Variants in RBFOX1 observed in about 807,000 individuals in gnomAD.
RBFOX1 encodes the protein RNA binding fox-1 homolog 1, also known as RNA binding protein fox-1 homolog 1.
A neutral mutation model predicts 57.7 loss-of-function variants in RBFOX1; 8 were observed. That is an observed-to-expected ratio of 0.14 (90% confidence interval 0.08 to 0.25). The LOEUF is 0.25. Ranked by LOEUF, RBFOX1 falls within the 10% of genes least tolerant of loss-of-function variation. The pLI is 1.00. For missense variants in RBFOX1, 611 were observed against 548.5 expected, an observed-to-expected ratio of 1.11 and a Z score of -1.14; for synonymous variants, 326 against 222.4, an observed-to-expected ratio of 1.47 and a Z score of -4.15.
intron 5 of RBFOX1, among the ~76,000 whole-genome samples, chr16:7,572,615 G>A (rs948338922): frequency 6.6e-5 from 10 of 152,218 alleles, no homozygotes; most frequent in African/African-American, 1.9e-4. Context: ...TGAGGCGGGC[G>A]GATCACGAGG....
At chr16:6,314,403 A>C (rs770088678) in intron 1 of RBFOX1, among the ~76,000 whole-genome samples, 3 of 152,204 alleles carry the variant, frequency 2.0e-5, no homozygotes, top group African/African-American at 7.2e-5. Flanking sequence ...GCCAATGGCC[A>C]TAGGGACCTC....
Position 6,965,788 on chromosome 16 carries a change from A to C in RBFOX1, c.-15-86269A>C, listed in dbSNP as rs547097306. On this transcript the variant is annotated intron_variant, in intron 3 of 15. Transcript: ENST00000550418. ...CTTTCTCCATAGCAAGTACTCACTT[A>C]GGTCCTGTTCATTAGTCAGTCTTTT... Among the ~76,000 whole-genome samples, 15 of 152,326 alleles carry C rather than the reference A, an allele frequency of 9.8e-5. No individual in the cohort carries two copies. The East Asian group carries it at 2.7e-3, about 27-fold the overall frequency.
intron 1 of RBFOX1, among the ~76,000 whole-genome samples, chr16:5,433,579 A>C (rs2067819286): frequency 6.6e-6 from 1 of 152,238 alleles, no homozygotes; most frequent in South Asian, 2.1e-4. Context: ...GAGGGACACA[A>C]AGAGATTTTA....
In RBFOX1 at chr16:5,854,627, C is replaced by T. The variant is rs145315474; in HGVS notation, c.319-12676C>T. ...ACACACATGCACACCACATTTTCTT[C>T]GTTCATCTGTTAGTGGAGACCTAGG... On this transcript the variant is annotated intron_variant, in intron 3 of 19. Coordinates refer to the RBFOX1 transcript ENST00000641259. Among the ~76,000 whole-genome samples, 4 of 151,826 alleles carry T rather than the reference C, an allele frequency of 2.6e-5. No homozygotes were observed. In the East Asian group the frequency reaches 7.8e-4, roughly 30 times the overall value.
chr16:5,734,690 T>G (rs377172303), intron 3 of RBFOX1, among the ~76,000 whole-genome samples: 9 of 152,230 alleles, frequency 5.9e-5, no homozygotes, highest in African/African-American at 2.2e-4. Flanking sequence ...ACATTGCTAT[T>G]GGGCAGCAGC....
intron 2 of RBFOX1, among the ~76,000 whole-genome samples, chr16:5,546,999 T>A (rs1601582): frequency 0.73 from 111,325 of 152,024 alleles, 41,255 homozygotes; most frequent in East Asian, 0.99. Flanking sequence ...ACATGAAAAC[T>A]TGTTCAACAT....
chr16:7,250,287 A>C (rs1160275457), intron 4 of RBFOX1, among the ~76,000 whole-genome samples: 1 of 152,246 alleles, frequency 6.6e-6, no homozygotes, highest in Non-Finnish European at 1.5e-5. Flanking sequence ...GAGTAAAACA[A>C]ATGCTTTTTT....
Position 7,305,856 on chromosome 16 carries a change from C to A in RBFOX1, c.28-212291C>A, listed in dbSNP as rs2096170061. Among the ~76,000 whole-genome samples the A allele has an allele frequency of 2.0e-5, 3 of 151,968 alleles. No individual in the cohort carries two copies. The South Asian group carries it at 6.2e-4, about 32-fold the overall frequency. On this transcript the variant is annotated intron_variant, in intron 4 of 15. Coordinates refer to ENST00000550418, the MANE Select transcript of RBFOX1 (RefSeq NM_018723.4). ...AGTAAATCGTGCCAGAAGACATTTC[C>A]CAAGAGAGTATTGATAACATATTAT...
chr16:7,693,415 C>G, intron 14 of RBFOX1: 1 of 973,508 alleles, frequency 1.0e-6, no homozygotes, highest in Non-Finnish European at 1.4e-6. Flanking sequence ...GTCTCAGTAT[C>G]CTTTTTTTTT....
chr16:6,692,948 A>T (rs771416450), intron 3 of RBFOX1, among the ~76,000 whole-genome samples: 2 of 150,148 alleles, frequency 1.3e-5, no homozygotes, highest in East Asian at 4.0e-4. Context: ...TATCAACATC[A>T]TCCCCATCCA....
intron 2 of RBFOX1, among the ~76,000 whole-genome samples, chr16:6,618,963 G>C (rs1406643465): frequency 6.6e-6 from 1 of 152,166 alleles, no homozygotes; most frequent in Non-Finnish European, 1.5e-5. Flanking sequence ...GAATGCAAAA[G>C]GGTTATTTAT....
At chr16:5,464,998 G>A (rs887851550) in intron 1 of RBFOX1, among the ~76,000 whole-genome samples, 2 of 152,170 alleles carry the variant, frequency 1.3e-5, no homozygotes, top group African/African-American at 4.8e-5. Context: ...ACTGGGAGGA[G>A]AGGACCTTGA....
intron 3 of RBFOX1, among the ~76,000 whole-genome samples, chr16:7,031,829 C>T (rs1157335044): frequency 6.6e-6 from 1 of 152,146 alleles, no homozygotes. Flanking sequence ...TGTAAGCCAA[C>T]GTGGTCCTTG....
At chr16:7,059,382 T>C (rs891774347) in intron 4 of RBFOX1, among the ~76,000 whole-genome samples, 10 of 152,202 alleles carry the variant, frequency 6.6e-5, no homozygotes, top group Non-Finnish European at 1.5e-4. Context: ...TCTGTTCAGT[T>C]ATTTATTCAA....
At chr16:7,573,935 G>T (rs946377409) in intron 5 of RBFOX1, among the ~76,000 whole-genome samples, 1 of 151,984 alleles carries the variant, frequency 6.6e-6, no homozygotes, top group South Asian at 2.1e-4. Context: ...TATGAATTCC[G>T]TAGCCACTGC....
At chr16:5,712,406 C>G (rs1205519347) in intron 3 of RBFOX1, among the ~76,000 whole-genome samples, 1 of 152,196 alleles carries the variant, frequency 6.6e-6, no homozygotes, top group African/African-American at 2.4e-5. Flanking sequence ...GTTGGCATTA[C>G]AGGCTGGCAC....
At chr16:7,666,156 A>G (rs1172322081) in intron 13 of RBFOX1, among the ~76,000 whole-genome samples, 1 of 152,156 alleles carries the variant, frequency 6.6e-6, no homozygotes, top group Non-Finnish European at 1.5e-5. Context: ...GCTGGGGCTG[A>G]GCAGTCTGAA....
At position 5,941,713 on chromosome 16, in the gene RBFOX1, A is replaced by AT. The variant is rs142149498; in HGVS notation, c.351+74387dup. On this transcript the variant is annotated intron_variant, in intron 4 of 19. Coordinates refer to the RBFOX1 transcript ENST00000641259. ...AAATGAACTAGCCAGGAATTATCCC[A>AT]TTTTTTTTTCCATACAGAGGTTGAA... is the stretch of plus-strand genomic sequence containing the variant. Among the ~76,000 whole-genome samples, 569 of 151,160 alleles carry AT rather than the reference A, an allele frequency of 3.8e-3. 6 individuals carry two copies. The highest frequency in any genetic ancestry group is 3.4e-3 in the Non-Finnish European group (229 of 67,760).
At chr16:6,959,525 C>A (rs928852312) in intron 3 of RBFOX1, among the ~76,000 whole-genome samples, 17 of 152,052 alleles carry the variant, frequency 1.1e-4, no homozygotes, top group African/African-American at 4.1e-4. Context: ...CTCTCTCATT[C>A]TGTGTGCATT....
Sources: allele counts gnomAD v4.1 joint callset (sites outside exome capture counted in the v4.1 genomes callset), GRCh38; gene constraint gnomAD v4.1.1; transcripts MANE v1.5; gene names NCBI Gene and HGNC (gene_info 2026-07-23, HGNC 2026-07-21).